TMEM154: variants seen among roughly 807,000 people sequenced by gnomAD.
TMEM154 encodes transmembrane protein 154.
In TMEM154, 27 loss-of-function variants were observed where a neutral mutation model predicts 24.5. That is an observed-to-expected ratio of 1.10 (90% CI 0.81 to 1.52). The LOEUF (loss-of-function observed/expected upper bound fraction) is 1.52. Among genes scored for constraint, TMEM154 ranks in the 40% most tolerant of loss-of-function variants. TMEM154 has a pLI of 0.00. For missense variants in TMEM154, 228 were observed against 213.4 expected (o/e 1.07, Z -0.43); for synonymous variants, 67 against 76.8 (o/e 0.87, Z 0.67).
intron 6 of TMEM154, chr4:152,639,796 G>T: frequency 6.5e-6 from 1 of 152,986 alleles, no homozygotes. Context: ...CTTTTAAATA[G>T]GATAGAATCC....
At chr4:152,646,750 T>C in intron 3 of TMEM154, 1 of 573,906 alleles carries the variant, frequency 1.7e-6, no homozygotes, top group South Asian at 2.1e-5. Flanking sequence ...CATTCGATAG[T>C]GGGGTTGTCT....
intron 1 of TMEM154, among the ~76,000 whole-genome samples, chr4:152,657,517 A>G (rs1315863749): frequency 2.0e-5 from 3 of 152,146 alleles, no homozygotes; most frequent in Admixed American, 6.5e-5. Flanking sequence ...CTGCCTAAAA[A>G]GAAAAAGAAA....
chr4:152,634,651 A>G (rs1487361293), intron 6 of TMEM154, among the ~76,000 whole-genome samples: 4 of 152,196 alleles, frequency 2.6e-5, no homozygotes, highest in Non-Finnish European at 5.9e-5. Flanking sequence ...CTCATCCAAC[A>G]CATACATGCA....
chr4:152,671,306 G>C (rs1184958585), intron 1 of TMEM154, among the ~76,000 whole-genome samples: 1 of 152,030 alleles, frequency 6.6e-6, no homozygotes, highest in African/African-American at 2.4e-5. Context: ...CAAGGGGATT[G>C]GACTCTATCT....
chr4:152,645,894 A>G (rs1752359588), intron 3 of TMEM154, among the ~76,000 whole-genome samples: 1 of 151,322 alleles, frequency 6.6e-6, no homozygotes, highest in African/African-American at 2.4e-5. Context: ...CTTCCTGCAG[A>G]TGCCTGACTC....
chr4:152,674,277 C>A (rs1268697901), intron 1 of TMEM154, among the ~76,000 whole-genome samples: 2 of 151,510 alleles, frequency 1.3e-5, no homozygotes, highest in Non-Finnish European at 2.9e-5. Context: ...TGTCCATTCA[C>A]TGGGTCAACA....
intron 3 of TMEM154, among the ~76,000 whole-genome samples, chr4:152,644,700 G>A (rs948959334): frequency 6.6e-5 from 10 of 152,282 alleles, no homozygotes; most frequent in Middle Eastern, 3.4e-3. Flanking sequence ...ATGTTCATCC[G>A]TCTTTATTTT....
chr4:152,670,369 G>A (rs1018622905), intron 1 of TMEM154, among the ~76,000 whole-genome samples: 4 of 152,222 alleles, frequency 2.6e-5, no homozygotes, highest in South Asian at 4.1e-4. Context: ...CAAAGTGGGC[G>A]GATTACTTGA....
intron 1 of TMEM154, among the ~76,000 whole-genome samples, chr4:152,675,483 C>T (rs1037700504): frequency 3.3e-5 from 5 of 152,006 alleles, no homozygotes; most frequent in Admixed American, 1.3e-4. Flanking sequence ...CAAAATTAGC[C>T]GGGTGTGCTG....
intron 1 of TMEM154, among the ~76,000 whole-genome samples, chr4:152,656,903 A>G (rs927970117): frequency 6.6e-6 from 1 of 151,940 alleles, no homozygotes; most frequent in Non-Finnish European, 1.5e-5. Flanking sequence ...CCATGAGAGG[A>G]TACAGAAAAA....
chr4:152,639,331 A>C (rs1752209166), intron 6 of TMEM154, among the ~76,000 whole-genome samples: 1 of 152,224 alleles, frequency 6.6e-6, no homozygotes, highest in Admixed American at 6.5e-5. Flanking sequence ...ACAATTTCAA[A>C]GAGCAAAAGG....
chr4:152,648,086 T>C (rs1314744198), intron 3 of TMEM154, among the ~76,000 whole-genome samples: 2 of 152,192 alleles, frequency 1.3e-5, no homozygotes, highest in Non-Finnish European at 2.9e-5. Context: ...CTTATGACAA[T>C]GTGAATACTG....
At chr4:152,655,030 G>GA (rs954038527) in intron 1 of TMEM154, among the ~76,000 whole-genome samples, 12 of 147,796 alleles carry the variant, frequency 8.1e-5, no homozygotes, top group South Asian at 2.1e-4. Flanking sequence ...AGGCAGGATT[G>GA]AAAAAAAAAA....
intron 5 of TMEM154, among the ~76,000 whole-genome samples, chr4:152,641,620 A>T (rs1359680547): frequency 4.6e-5 from 7 of 151,810 alleles, no homozygotes; most frequent in Non-Finnish European, 1.0e-4. Flanking sequence ...ACAACATAGC[A>T]AGAAGAGATT....
intron 1 of TMEM154, among the ~76,000 whole-genome samples, chr4:152,667,730 T>C (rs1728748066): frequency 6.6e-6 from 1 of 152,256 alleles, no homozygotes; most frequent in African/African-American, 2.4e-5. Flanking sequence ...CATCAAGCAA[T>C]GCCTGTGTTT....
chr4:152,647,061 C>T (rs182211615), intron 3 of TMEM154: 81 of 873,862 alleles, frequency 9.3e-5, no homozygotes, highest in Admixed American at 3.6e-4. Flanking sequence ...ATGAAATGGA[C>T]AAGCCCAAAG....
intron 1 of TMEM154, among the ~76,000 whole-genome samples, chr4:152,653,411 G>A (rs182850835): frequency 2.2e-5 from 3 of 134,228 alleles, no homozygotes; most frequent in Non-Finnish European, 4.8e-5. Context: ...TTTTTTTGAG[G>A]CAGAGTCTTG....
intron 5 of TMEM154, 73 bp from the exon 6 acceptor site, chr4:152,641,058 T>A: frequency 7.0e-7 from 1 of 1,424,582 alleles, no homozygotes; most frequent in Non-Finnish European, 9.7e-7. Context: ...CTGATACAGT[T>A]AAATACCATA....
At chr4:152,675,697 G>C (rs918852202) in intron 1 of TMEM154, among the ~76,000 whole-genome samples, 2 of 152,088 alleles carry the variant, frequency 1.3e-5, no homozygotes, top group Admixed American at 6.5e-5. Context: ...AAGCCCAATG[G>C]ATGGCTTGAC....
Sources: gnomAD v4.1 joint callset for allele counts (sites outside exome capture counted in the v4.1 genomes callset) on GRCh38, gnomAD v4.1.1 for gene constraint, MANE v1.5 for transcripts, NCBI Gene and HGNC (gene_info 2026-07-23, HGNC 2026-07-21) for gene names.